The following DOCK2 variants were observed in gnomAD, a reference collection of about 807,000 sequenced individuals.
DOCK2 encodes dedicator of cytokinesis 2, also known as dedicator of cytokinesis protein 2.
Under a neutral mutation model 248.9 loss-of-function variants are expected in DOCK2, and 87 were observed. The ratio of observed to expected loss-of-function variants is 0.35; its 90% confidence interval spans 0.29 to 0.42. DOCK2 has a LOEUF of 0.42. Ranked by LOEUF, DOCK2 falls within the 10% of genes least tolerant of loss-of-function variation. The probability of loss-of-function intolerance (pLI) is 1.00; values close to 1 mark genes in which losing one functional copy is unlikely to be tolerated. For missense variants in DOCK2, 1,747 were observed against 2,300.2 expected (o/e 0.76, Z 4.92); for synonymous variants, 805 against 821.6 (o/e 0.98, Z 0.35).
At chr5:170,070,242 G>A (rs1561907990) in intron 46 of DOCK2, among the ~76,000 whole-genome samples, 2 of 152,252 alleles carry the variant, frequency 1.3e-5, no homozygotes, top group South Asian at 2.1e-4. Context: ...GCCCTCCCTC[G>A]CTTTCTTCTT....
intron 1 of DOCK2, among the ~76,000 whole-genome samples, chr5:169,640,577 G>A (rs1343200331): frequency 6.6e-6 from 1 of 152,206 alleles, no homozygotes; most frequent in Non-Finnish European, 1.5e-5. Context: ...GTACAATAAA[G>A]GTTTAGAGAA....
rs560634990 is a variant in DOCK2 at position 170,037,771 on chromosome 5, C to A, written c.3665+1216C>A. ...AAAGTGCTGGGATTACAGGCGTGAG[C>A]CACTGCGTCCGGCCACAACAACAAA... On this transcript the variant is annotated intron_variant, in intron 36 of 51. Coordinates refer to ENST00000520908, the MANE Select transcript of DOCK2 (RefSeq NM_004946.3). Among the ~76,000 whole-genome samples the A allele has an allele frequency of 1.1e-4, 17 of 152,294 alleles. 1 individual carries two copies. The East Asian group carries it at 3.3e-3, about 29-fold the overall frequency.
intron 25 of DOCK2, among the ~76,000 whole-genome samples, chr5:169,766,450 A>G (rs1764798329): frequency 6.6e-6 from 1 of 152,058 alleles, no homozygotes; most frequent in African/African-American, 2.4e-5. Context: ...TATGTACCAC[A>G]TTTTCTTTAT....
intron 26 of DOCK2, among the ~76,000 whole-genome samples, chr5:169,828,583 T>A (rs1408365040): frequency 6.6e-6 from 1 of 152,206 alleles, no homozygotes; most frequent in Non-Finnish European, 1.5e-5. Flanking sequence ...GTGGGATGAT[T>A]AAGGGTATTT....
intron 7 of DOCK2, among the ~76,000 whole-genome samples, chr5:169,682,551 G>C (rs1184352414): frequency 6.6e-6 from 1 of 152,204 alleles, no homozygotes. Context: ...TTATTCCCAC[G>C]GATGGGAAAT....
chr5:169,952,265 C>T (rs1172376240), intron 27 of DOCK2, among the ~76,000 whole-genome samples: 1 of 152,124 alleles, frequency 6.6e-6, no homozygotes, highest in Non-Finnish European at 1.5e-5. Context: ...TCTATCAACT[C>T]GTCCGTATAA....
intron 27 of DOCK2, among the ~76,000 whole-genome samples, chr5:169,870,070 C>T (rs1197838507): frequency 2.0e-5 from 3 of 152,150 alleles, no homozygotes; most frequent in African/African-American, 7.2e-5. Flanking sequence ...AGTTGGTCTT[C>T]CTGAGGATGC....
intron 26 of DOCK2, among the ~76,000 whole-genome samples, chr5:169,806,215 G>A (rs374915278): frequency 3.0e-4 from 39 of 130,914 alleles, no homozygotes; most frequent in African/African-American, 9.8e-4. Context: ...ATATCACCTC[G>A]AGAGTTTTTT....
Position 170,076,000 on chromosome 5 carries a change from C to T in DOCK2, c.4782C>T (p.Asn1594=). The part of the protein sequence containing the change: ...IKIHEKRVSD[N]LRPFHDRMEE... ...TCCATGAGAAAAGGGTGTCAGATAA[C>T]TTGCGACCCTTCCATGACCGGATGG... is the stretch of plus-strand genomic sequence containing the variant. The change falls in exon 47 of 52, where the codon AAC becomes AAT. Residue 1594 remains asparagine (N), a synonymous_variant. Transcript: ENST00000520908. The T allele has an allele frequency of 6.2e-7, 1 of 1,614,152 alleles. No homozygotes were observed. The highest frequency in any genetic ancestry group is 8.5e-7 in the Non-Finnish European group (1 of 1,180,022).
intron 27 of DOCK2, among the ~76,000 whole-genome samples, chr5:169,981,042 C>A (rs922017497): frequency 2.6e-5 from 4 of 152,164 alleles, no homozygotes; most frequent in Non-Finnish European, 5.9e-5. Context: ...TCATGACAGA[C>A]CCCTTGCTTA....
At chr5:170,076,934 A>G (rs1581578666) in intron 47 of DOCK2, among the ~76,000 whole-genome samples, 2 of 152,166 alleles carry the variant, frequency 1.3e-5, no homozygotes, top group South Asian at 4.1e-4. Flanking sequence ...CACTTCAAAC[A>G]CCAACCATAA....
Position 170,008,755 on chromosome 5 carries a change from GCA to G in DOCK2, c.3232+16_3232+17del. The G allele has an allele frequency of 6.2e-7, 1 of 1,613,848 alleles. No homozygotes were observed. Among genetic ancestry groups the G allele is most frequent in the Non-Finnish European group, 8.5e-7 (1 of 1,179,882 alleles). ...TATGTGGTACAAGCTTGGTGAGTAGGCACACACATCCAGATACTCACATCTGC... is the reference window on the plus strand; with the variant it reads ...TATGTGGTACAAGCTTGGTGAGTAGGCACACATCCAGATACTCACATCTGC... On this transcript the variant is annotated intron_variant, in intron 32 of 51. Transcript: ENST00000520908.
chr5:169,947,546 G>A (rs1776496587), intron 27 of DOCK2, among the ~76,000 whole-genome samples: 2 of 152,220 alleles, frequency 1.3e-5, no homozygotes, highest in Admixed American at 1.3e-4. Flanking sequence ...TGAGGGTTCA[G>A]GGCATCTGCC....
intron 27 of DOCK2, among the ~76,000 whole-genome samples, chr5:169,903,185 G>C (rs988017279): frequency 1.3e-5 from 2 of 151,908 alleles, no homozygotes; most frequent in African/African-American, 4.8e-5. Context: ...GCTGAGGTGG[G>C]AGGATCTTTT....
chr5:169,717,176 G>C (rs1243349092), intron 20 of DOCK2, among the ~76,000 whole-genome samples: 1 of 152,168 alleles, frequency 6.6e-6, no homozygotes, highest in Non-Finnish European at 1.5e-5. Context: ...ATTTGACCAT[G>C]AAATCCTTTT....
chr5:169,669,449 T>G, intron 3 of DOCK2, 121 bp downstream of exon 3: 1 of 1,057,066 alleles, frequency 9.5e-7, no homozygotes, highest in African/African-American at 1.6e-5. Context: ...CTCTCCCTCC[T>G]GTGCCCTGTG....
intron 5 of DOCK2, among the ~76,000 whole-genome samples, chr5:169,672,101 G>A (rs1442635616): frequency 6.6e-6 from 1 of 151,970 alleles, no homozygotes; most frequent in African/African-American, 2.4e-5. Flanking sequence ...CTGCCTCCTG[G>A]GTTCAAGTGA....
At chr5:169,659,656 A>G (rs1338806767) in intron 2 of DOCK2, among the ~76,000 whole-genome samples, 2 of 152,224 alleles carry the variant, frequency 1.3e-5, no homozygotes, top group Non-Finnish European at 2.9e-5. Flanking sequence ...ATAGTTCAAG[A>G]TGGTACTCAT....
chr5:169,870,177 C>T (rs1177284554), intron 27 of DOCK2, among the ~76,000 whole-genome samples: 1 of 152,124 alleles, frequency 6.6e-6, no homozygotes, highest in Non-Finnish European at 1.5e-5. Flanking sequence ...CACGGAGCCA[C>T]GTTGCATTTA....
Sources: gnomAD v4.1 joint callset for allele counts (sites outside exome capture counted in the v4.1 genomes callset) on GRCh38, gnomAD v4.1.1 for gene constraint, MANE v1.5 for transcripts, NCBI Gene and HGNC (gene_info 2026-07-23, HGNC 2026-07-21) for gene names.